GPR158: variants seen among roughly 807,000 people sequenced by gnomAD.
GPR158 encodes metabotropic glycine receptor.
In GPR158, 30 loss-of-function variants were observed where a neutral mutation model predicts 78.2. The observed-to-expected ratio is 0.38, with a 90% CI of 0.29 to 0.52. The LOEUF is 0.52. Ranked by LOEUF, GPR158 falls within the 20% of genes least tolerant of loss-of-function variation. GPR158 has a pLI of 0.83. For missense variants in GPR158, 1,463 were observed against 1,523.5 expected, an observed-to-expected ratio of 0.96 and a Z score of 0.66; for synonymous variants, 581 against 591.1, an observed-to-expected ratio of 0.98 and a Z score of 0.25.
intron 1 of GPR158, among the ~76,000 whole-genome samples, chr10:25,185,763 C>A (rs1281940269): frequency 6.6e-6 from 1 of 151,734 alleles, no homozygotes; most frequent in African/African-American, 2.4e-5. Context: ...GCAGAGCTTG[C>A]AGTGAGCCGA....
At chr10:25,188,044 G>T (rs1852713022) in intron 1 of GPR158, among the ~76,000 whole-genome samples, 1 of 152,152 alleles carries the variant, frequency 6.6e-6, no homozygotes, top group Non-Finnish European at 1.5e-5. Flanking sequence ...TTGCTTCAAA[G>T]AGAATAAAAT....
At chr10:25,302,743 G>T (rs550144387) in intron 2 of GPR158, among the ~76,000 whole-genome samples, 1 of 152,326 alleles carries the variant, frequency 6.6e-6, no homozygotes, top group African/African-American at 2.4e-5. Flanking sequence ...GGCAGCCCCT[G>T]TTCTAAGTCA....
intron 5 of GPR158, among the ~76,000 whole-genome samples, chr10:25,541,907 G>A (rs574700432): frequency 7.0e-6 from 1 of 143,674 alleles, no homozygotes; most frequent in African/African-American, 2.6e-5. Context: ...GGAAGCAGGG[G>A]GAAATTATAA....
At chr10:25,425,006 C>G (rs1392110273) in intron 4 of GPR158, among the ~76,000 whole-genome samples, 2 of 152,164 alleles carry the variant, frequency 1.3e-5, no homozygotes, top group Non-Finnish European at 2.9e-5. Context: ...TTGATTCTTC[C>G]TACCCATGAG....
intron 4 of GPR158, 61 bp downstream of exon 4, chr10:25,412,534 C>T (rs1834606681): frequency 8.5e-7 from 1 of 1,176,088 alleles, no homozygotes; most frequent in Non-Finnish European, 1.3e-6. Flanking sequence ...TCTTTTTAAG[C>T]AAACAGAATT....
intron 2 of GPR158, among the ~76,000 whole-genome samples, chr10:25,308,006 A>G (rs1854706462): frequency 6.6e-6 from 1 of 152,206 alleles, no homozygotes; most frequent in African/African-American, 2.4e-5. Context: ...CATACCAGCA[A>G]GATATGAATT....
intron 3 of GPR158, among the ~76,000 whole-genome samples, chr10:25,407,533 T>C (rs1345607996): frequency 6.6e-6 from 1 of 152,176 alleles, no homozygotes; most frequent in Non-Finnish European, 1.5e-5. Context: ...TCAAGTAGAC[T>C]TCCTTAACCT....
chr10:25,463,893 G>C (rs1835389188), intron 4 of GPR158, among the ~76,000 whole-genome samples: 1 of 152,184 alleles, frequency 6.6e-6, no homozygotes, highest in African/African-American at 2.4e-5. Context: ...AGATTTTCTA[G>C]TACCAATAAG....
At chr10:25,561,041 A>ATATT (rs1279999356) in intron 6 of GPR158, among the ~76,000 whole-genome samples, 3 of 152,202 alleles carry the variant, frequency 2.0e-5, no homozygotes, top group Admixed American at 2.0e-4. Flanking sequence ...GATTATTTAA[A>ATATT]TATTAACATT....
chr10:25,199,046 C>A (rs1852883521), intron 1 of GPR158, among the ~76,000 whole-genome samples: 1 of 140,984 alleles, frequency 7.1e-6, no homozygotes, highest in Admixed American at 7.3e-5. Flanking sequence ...TAGAAATAAT[C>A]ATTTGCTTTC....
chr10:25,315,675 C>T (rs960319924), intron 2 of GPR158, among the ~76,000 whole-genome samples: 1 of 151,892 alleles, frequency 6.6e-6, no homozygotes, highest in Non-Finnish European at 1.5e-5. Flanking sequence ...GGTTTTTTCA[C>T]TCTGTGATTT....
intron 4 of GPR158, among the ~76,000 whole-genome samples, chr10:25,437,987 A>C (rs1031213389): frequency 6.6e-6 from 1 of 152,226 alleles, no homozygotes; most frequent in African/African-American, 2.4e-5. Context: ...GCAGGGAACC[A>C]TGTGTAACAG....
chr10:25,544,478 T>C (rs11014599), intron 5 of GPR158, among the ~76,000 whole-genome samples: 19,591 of 152,084 alleles, frequency 0.13, 2,395 homozygotes, highest in African/African-American at 0.31. Context: ...TAAATATAGG[T>C]AATATGTCTA....
chr10:25,226,163 A>G (rs1012768751), intron 2 of GPR158, among the ~76,000 whole-genome samples: 2 of 152,162 alleles, frequency 1.3e-5, no homozygotes, highest in African/African-American at 2.4e-5. Flanking sequence ...CATGCTGTCT[A>G]GTATGATAGC....
chr10:25,306,255 G>A (rs942683134), intron 2 of GPR158, among the ~76,000 whole-genome samples: 1 of 151,994 alleles, frequency 6.6e-6, no homozygotes, highest in African/African-American at 2.4e-5. Context: ...CTCTTGATTG[G>A]CTTTTAGATC....
At chr10:25,423,233 T>G (rs1834778376) in intron 4 of GPR158, among the ~76,000 whole-genome samples, 1 of 151,848 alleles carries the variant, frequency 6.6e-6, no homozygotes. Context: ...ACTAGTTGAT[T>G]GATGGACATT....
At chr10:25,583,041 C>T (rs1330615790) in intron 7 of GPR158, among the ~76,000 whole-genome samples, 1 of 152,168 alleles carries the variant, frequency 6.6e-6, no homozygotes, top group Non-Finnish European at 1.5e-5. Flanking sequence ...CTAAGAGACT[C>T]GGATTCTAGG....
chr10:25,388,485 G>C (rs1234178218), intron 2 of GPR158, among the ~76,000 whole-genome samples: 5 of 152,250 alleles, frequency 3.3e-5, no homozygotes, highest in African/African-American at 1.2e-4. Flanking sequence ...GTGCAGCCAG[G>C]ACTCATGGGG....
At chr10:25,462,677 G>A (rs1053228775) in intron 4 of GPR158, among the ~76,000 whole-genome samples, 5 of 152,296 alleles carry the variant, frequency 3.3e-5, no homozygotes, top group South Asian at 2.1e-4. Flanking sequence ...ACTTTGAGGC[G>A]TTCAAGACTT....
Sources: gnomAD v4.1 joint callset for allele counts (sites outside exome capture counted in the v4.1 genomes callset) on GRCh38, gnomAD v4.1.1 for gene constraint, MANE v1.5 for transcripts, NCBI Gene and HGNC (gene_info 2026-07-23, HGNC 2026-07-21) for gene names.